Variants in PDS5B observed in about 807,000 individuals in gnomAD.
PDS5B encodes the protein PDS5 cohesin associated factor B.
In PDS5B, 51 loss-of-function variants were observed where a neutral mutation model predicts 184.1. The observed-to-expected ratio is 0.28, with a 90% CI of 0.22 to 0.35. The LOEUF (loss-of-function observed/expected upper bound fraction) is 0.35, where lower values mean the gene tolerates loss of function less well. Among genes scored for constraint, PDS5B ranks in the 10% least tolerant of loss-of-function variants. PDS5B has a pLI of 1.00. For synonymous variants in PDS5B, 566 were observed against 569.2 expected (o/e 0.99, Z 0.08); for missense variants, 1,180 against 1,723.3 (o/e 0.68, Z 5.58).
Position 32,716,664 on chromosome 13 carries a change from TG to T in PDS5B, c.2123+6566del, listed in dbSNP as rs535532187. Among the ~76,000 whole-genome samples the T allele has an allele frequency of 1.9e-4, 18 of 94,482 alleles. 1 individual carries two copies. The highest frequency in any genetic ancestry group is 4.1e-4 in the South Asian group (1 of 2,436). The allele number at this position is 94,482 out of a possible 152,430, so 62.0% of individuals were successfully genotyped here. A position where few individuals can be genotyped will look rare whatever the true frequency, so the allele number is the denominator to read the frequency against. On this transcript the variant is annotated intron_variant, in intron 19 of 34. Coordinates refer to ENST00000315596, the MANE Select transcript of PDS5B (RefSeq NM_015032.4). ...CCAGCCGCCCCGTTTGGGAGGGAGG[TG>T]GGGGGGGTCAGCCCCCCGCCCGGCC...
In PDS5B at chr13:32,759,656, C is replaced by A; in HGVS notation, c.3338C>A (p.Pro1113His). Residue 1113 changes from proline (P) to histidine (H), a missense_variant, in exon 29 of 35, where the codon CCT (proline) becomes CAT (histidine). Transcript: ENST00000315596. ...TTCAGTAACACCAAAAATTATCTGC[C>A]TCCTGAAATGAAATCATTTTTCACT... ...KNFSNTKNYLPPEMKSFFTPG... is the reference protein window; with the variant it reads ...KNFSNTKNYLHPEMKSFFTPG... 6.4e-7 allele frequency: 1 copy of A among 1,564,056 alleles called. No homozygotes were observed. The highest frequency in any genetic ancestry group is 8.7e-7 in the Non-Finnish European group (1 of 1,144,772).
In PDS5B at chr13:32,764,605, T is replaced by C; in HGVS notation, c.3624+11T>C. The C allele has an allele frequency of 7.0e-7, 1 of 1,429,764 alleles. No individual in the cohort carries two copies. 88.6% of individuals were successfully genotyped at this position (1,429,764 alleles called of 1,614,324 possible). A position where few individuals can be genotyped will look rare whatever the true frequency, so the allele number is the denominator to read the frequency against. On this transcript the variant is annotated intron_variant, in intron 31 of 34. Coordinates refer to ENST00000315596, the MANE Select transcript of PDS5B (RefSeq NM_015032.4). ...TCTGATCTTGTAAGGGTGAGATATTTGCATTGATTTTATAATAATATTAAT... is the reference window on the plus strand; with the variant it reads ...TCTGATCTTGTAAGGGTGAGATATTCGCATTGATTTTATAATAATATTAAT...
chr13:32,597,067 TCA>T (rs2057886852), intron 1 of PDS5B, among the ~76,000 whole-genome samples: 1 of 152,088 alleles, frequency 6.6e-6, no homozygotes, highest in Non-Finnish European at 1.5e-5. Context: ...AGACAGCGTC[TCA>T]CTCTCCCAGG....
At chr13:32,606,341 G>A (rs1233954785) in intron 1 of PDS5B, among the ~76,000 whole-genome samples, 1 of 152,160 alleles carries the variant, frequency 6.6e-6, no homozygotes. Flanking sequence ...AGTTTGGCTG[G>A]ATATGAAATT....
chr13:32,640,464 C>G (rs147738193), intron 1 of PDS5B, among the ~76,000 whole-genome samples: 1 of 152,210 alleles, frequency 6.6e-6, no homozygotes, highest in African/African-American at 2.4e-5. Context: ...CCTGGCTGGT[C>G]TCAAACTCCT....
intron 19 of PDS5B, among the ~76,000 whole-genome samples, chr13:32,715,610 A>C (rs892148621): frequency 6.6e-6 from 1 of 151,556 alleles, no homozygotes; most frequent in Admixed American, 6.6e-5. Flanking sequence ...TTCGCTAATA[A>C]AACCACCAGT....
intron 1 of PDS5B, among the ~76,000 whole-genome samples, chr13:32,627,364 A>G (rs2058385522): frequency 6.6e-6 from 1 of 152,216 alleles, no homozygotes; most frequent in African/African-American, 2.4e-5. Context: ...AGCTATAGAT[A>G]TTTGTACAAA....
chr13:32,714,745 T>C (rs1298123476), intron 19 of PDS5B, among the ~76,000 whole-genome samples: 3 of 152,202 alleles, frequency 2.0e-5, no homozygotes, highest in Non-Finnish European at 4.4e-5. Context: ...GAACGATTGT[T>C]GTTATCCTGC....
chr13:32,699,208 T>C (rs1275447287), intron 15 of PDS5B, among the ~76,000 whole-genome samples: 1 of 152,222 alleles, frequency 6.6e-6, no homozygotes, highest in African/African-American at 2.4e-5. Context: ...AGACTCATTC[T>C]TTCCCATGCA....
intron 5 of PDS5B, among the ~76,000 whole-genome samples, chr13:32,658,765 A>G (rs1242473189): frequency 6.6e-6 from 1 of 152,110 alleles, no homozygotes; most frequent in Non-Finnish European, 1.5e-5. Context: ...GGATTGCATT[A>G]TTTGTCTATA....
At chr13:32,747,660 ATAATCT>A (rs1010410984) in intron 24 of PDS5B, among the ~76,000 whole-genome samples, 2 of 151,914 alleles carry the variant, frequency 1.3e-5, no homozygotes, top group African/African-American at 2.4e-5. Flanking sequence ...ATTTTTGGAG[ATAATCT>A]TAAAAGAAAC....
chr13:32,762,864 T>C (rs1954456380), intron 30 of PDS5B, among the ~76,000 whole-genome samples: 1 of 152,208 alleles, frequency 6.6e-6, no homozygotes, highest in Non-Finnish European at 1.5e-5. Flanking sequence ...TTAAAAATAC[T>C]ACTGTCGTGA....
chr13:32,728,157 C>T (rs1022814373), intron 19 of PDS5B, among the ~76,000 whole-genome samples: 1 of 150,832 alleles, frequency 6.6e-6, no homozygotes, highest in Non-Finnish European at 1.5e-5. Flanking sequence ...ATTTTTATAT[C>T]TTTTTTTATA....
At chr13:32,752,575 A>G (rs1051137819) in intron 24 of PDS5B, among the ~76,000 whole-genome samples, 3 of 152,196 alleles carry the variant, frequency 2.0e-5, no homozygotes, top group African/African-American at 4.8e-5. Flanking sequence ...TATGCTGGAG[A>G]TAAGTACAGA....
chr13:32,606,279 G>C (rs566543595), intron 1 of PDS5B, among the ~76,000 whole-genome samples: 81 of 152,222 alleles, frequency 5.3e-4, no homozygotes, highest in Middle Eastern at 3.4e-3. Context: ...CAAAATCTCT[G>C]AGCATTTGCT....
intron 1 of PDS5B, among the ~76,000 whole-genome samples, chr13:32,591,222 G>C (rs1408151425): frequency 6.6e-6 from 1 of 152,000 alleles, no homozygotes; most frequent in Non-Finnish European, 1.5e-5. Flanking sequence ...TCCACCTCCT[G>C]GGTTCAAGTG....
chr13:32,656,622 A>G (rs1278328878), intron 3 of PDS5B, among the ~76,000 whole-genome samples: 3 of 148,896 alleles, frequency 2.0e-5, no homozygotes, highest in Non-Finnish European at 4.5e-5. Flanking sequence ...TAAAAGACAA[A>G]GTCTGGCTCT....
chr13:32,681,021 A>G (rs1273520010), intron 10 of PDS5B, among the ~76,000 whole-genome samples: 1 of 152,162 alleles, frequency 6.6e-6, no homozygotes, highest in Non-Finnish European at 1.5e-5. Context: ...ATAGGCCGCA[A>G]AGGATTTATA....
At chr13:32,696,819 A>C in intron 14 of PDS5B, 35 bp from the exon 15 acceptor site, 1 of 1,513,790 alleles carries the variant, frequency 6.6e-7, no homozygotes, top group Non-Finnish European at 9.1e-7. Context: ...CTTGTTAGGG[A>C]ATTTTAATTT....
Sources: allele counts gnomAD v4.1 joint callset (sites outside exome capture counted in the v4.1 genomes callset), GRCh38; gene constraint gnomAD v4.1.1; transcripts MANE v1.5; gene names NCBI Gene and HGNC (gene_info 2026-07-23, HGNC 2026-07-21).